Variants in HRK observed in about 807,000 individuals in gnomAD.
HRK encodes activator of apoptosis harakiri.
Under a neutral mutation model 5.9 loss-of-function variants are expected in HRK, and 6 were observed. That is an observed-to-expected ratio of 1.02 (90% CI 0.56 to 2.01). HRK has a LOEUF of 2.01. Ranked by LOEUF, HRK falls within the 30% of genes most tolerant of loss-of-function variation. The pLI, the probability that HRK is intolerant of heterozygous loss-of-function variation, is 0.00. For missense variants in HRK, 133 were observed against 128.3 expected, an observed-to-expected ratio of 1.04 and a Z score of -0.18; for synonymous variants, 85 against 65.1, an observed-to-expected ratio of 1.31 and a Z score of -1.47.
Position 116,858,574 on chromosome 12 carries a change from TCACACACACACACACACACACACACACA to T in HRK, c.*2921_*2948del, listed in dbSNP as rs55713149. 2.5e-5 allele frequency: 3 copies of T among 121,150 alleles called. No individual in the cohort carries two copies. The highest frequency in any genetic ancestry group is 8.9e-5 in the Admixed American group (1 of 11,294). 7.5% of individuals were successfully genotyped at this position (121,150 alleles called of 1,614,324 possible). On this transcript the variant is annotated 3_prime_UTR_variant, in exon 2 of 2. Coordinates refer to ENST00000257572, the MANE Select transcript of HRK (RefSeq NM_003806.4). ...CAGAGGCCTCCCTCTGCTTGTACGG[TCACACACACACACACACACACACACACA>T]CACACACACACACACACACACTGCT...
chr12:116,869,849 A>G lies in HRK; in HGVS notation c.*57-8383T>C, dbSNP rs144198889. Among the ~76,000 whole-genome samples the G allele has an allele frequency of 1.3e-3, 191 of 152,256 alleles. 2 individuals carry two copies. The highest frequency in any genetic ancestry group is 2.3e-3 in the Non-Finnish European group (154 of 68,016). Reference sequence around the variant, plus strand: ...AGCACTCTGGGAGGCCAAGGCAGGCATATCTGGATCACTTGAGGTCAGGAG... The same window carrying G: ...AGCACTCTGGGAGGCCAAGGCAGGCGTATCTGGATCACTTGAGGTCAGGAG... On this transcript the variant is annotated intron_variant, in intron 1 of 1. Transcript: ENST00000257572.
chr12:116,878,761 C>T lies in HRK; in HGVS notation c.*56+2215G>A, dbSNP rs2137255553. On this transcript the variant is annotated intron_variant, in intron 1 of 1. Transcript: ENST00000257572. The surrounding 1 kb of genome is among the most constrained non-coding windows in gnomAD (Gnocchi z 4.4). ...GGCTGCAGGGGACGCCCGGGCGGGA[C>T]AAGGCAGGTAGGAGAAGAACCCAGA... 6.6e-6 allele frequency among the ~76,000 whole-genome samples: 1 copy of T among 152,222 alleles called. No individual in the cohort carries two copies. Among genetic ancestry groups the T allele is most frequent in the East Asian group, 1.9e-4 (1 of 5,172 alleles).
At chr12:116,875,168 A>G (rs1236640669) in intron 1 of HRK, among the ~76,000 whole-genome samples, 2 of 152,238 alleles carry the variant, frequency 1.3e-5, no homozygotes, top group African/African-American at 4.8e-5. Flanking sequence ...TAAAGCCTAC[A>G]GTGTGTGGGT....
intron 1 of HRK, among the ~76,000 whole-genome samples, chr12:116,869,114 C>T (rs1211067362): frequency 6.6e-6 from 1 of 152,104 alleles, no homozygotes; most frequent in Non-Finnish European, 1.5e-5. Context: ...GCTGGGACTA[C>T]AGGTGTGTGC....
rs1001655659 is a variant in HRK, at chr12:116,859,454, A to G, written c.*2069T>C. On this transcript the variant is annotated 3_prime_UTR_variant, in exon 2 of 2. Coordinates refer to ENST00000257572, the MANE Select transcript of HRK (RefSeq NM_003806.4). ...TGTGGCTAAGAAAGTGATTAAATAG[A>G]AGCAGTGACTGTATTTCATATTATT... 5 of 152,118 alleles carry G rather than the reference A, an allele frequency of 3.3e-5. No homozygotes were observed. The highest frequency in any genetic ancestry group is 1.9e-4 in the East Asian group (1 of 5,192). The allele number at this position is 152,118 out of a possible 1,614,324, so 9.4% of individuals were successfully genotyped here. A position where few individuals can be genotyped will look rare whatever the true frequency, so the allele number is the denominator to read the frequency against.
intron 1 of HRK, among the ~76,000 whole-genome samples, chr12:116,875,943 G>T (rs1444914918): frequency 6.6e-6 from 1 of 152,178 alleles, no homozygotes; most frequent in Admixed American, 6.6e-5. Context: ...CTGTGGGTTA[G>T]CTTTCTATTC....
rs1879037182 is a variant in HRK at position 116,878,979 on chromosome 12, T to G, written c.*56+1997A>C. 1 of 151,962 alleles carries G rather than the reference T, an allele frequency of 6.6e-6. No homozygotes were observed. Among genetic ancestry groups the G allele is most frequent in the Admixed American group, 6.6e-5 (1 of 15,240 alleles). 9.4% of individuals were successfully genotyped at this position (151,962 alleles called of 1,614,324 possible). On this transcript the variant is annotated intron_variant, in intron 1 of 1. Transcript: ENST00000257572. This position sits in a 1 kb window ranked among gnomAD's most constrained non-coding sequence, Gnocchi z 4.4. ...GCGCAGGCCCCAGTTACCCAACTCC[T>G]CCCCTGCGCTCCGGCGCAGAGCGGC...
rs770658093 is a variant in HRK, at chr12:116,881,008, G to A, written c.*24C>T. Reference sequence around the variant, plus strand: ...TCGCTCCGGCTGGGTCTCGGCTCCGGCCCCACCAAGAAGCCCCGCGTTCCT... The same window carrying A: ...TCGCTCCGGCTGGGTCTCGGCTCCGACCCCACCAAGAAGCCCCGCGTTCCT... On this transcript the variant is annotated 3_prime_UTR_variant, in exon 1 of 2. Transcript: ENST00000257572. The A allele has an allele frequency of 1.1e-5, 14 of 1,314,630 alleles. No individual in the cohort carries two copies. The highest frequency in any genetic ancestry group is 8.5e-5 in the South Asian group (4 of 47,124). The allele number at this position is 1,314,630 out of a possible 1,614,324, so 81.4% of individuals were successfully genotyped here.
At position 116,881,219 on chromosome 12, in the gene HRK, G is replaced by A; in HGVS notation, c.89C>T (p.Ala30Val). ...CTTGAGCCGGGCGGCGGTGAGCTGC[G>A]CGGCGGACGAGCGCAGCCCCAGGCG... Reference protein sequence around the residue: ...AGRLGLRSSAAQLTAARLKAL... With the variant: ...AGRLGLRSSAVQLTAARLKAL... Residue 30 changes from alanine to valine, a missense_variant, in exon 1 of 2, where the codon GCG becomes GTG. Physicochemically the swap from Ala to Val is moderately conservative, Grantham distance 64 (BLOSUM62 0). Coordinates refer to ENST00000257572, the MANE Select transcript of HRK (RefSeq NM_003806.4). 8.9e-7 allele frequency: 1 copy of A among 1,119,170 alleles called. No individual in the cohort carries two copies. The highest frequency in any genetic ancestry group is 1.1e-6 in the Non-Finnish European group (1 of 917,468). 69.3% of individuals were successfully genotyped at this position (1,119,170 alleles called of 1,614,324 possible). A position where few individuals can be genotyped will look rare whatever the true frequency, so the allele number is the denominator to read the frequency against.
intron 1 of HRK, among the ~76,000 whole-genome samples, chr12:116,876,975 C>T (rs973162400): frequency 6.6e-6 from 1 of 152,224 alleles, no homozygotes; most frequent in Non-Finnish European, 1.5e-5. Flanking sequence ...TCTGCCTCGG[C>T]TTCCCCTTTG....
chr12:116,876,139 C>T (rs2137253581), intron 1 of HRK, among the ~76,000 whole-genome samples: 1 of 152,256 alleles, frequency 6.6e-6, no homozygotes, highest in East Asian at 1.9e-4. Flanking sequence ...TCTTTTCCAT[C>T]CACAGCTCAG....
rs1204677689 is a variant in HRK at position 116,860,314 on chromosome 12, C to A, written c.*1209G>T. 6.6e-6 allele frequency: 1 copy of A among 152,122 alleles called. No individual in the cohort carries two copies. Among genetic ancestry groups the A allele is most frequent in the African/African-American group, 2.4e-5 (1 of 41,414 alleles). 9.4% of individuals were successfully genotyped at this position (152,122 alleles called of 1,614,324 possible). A position where few individuals can be genotyped will look rare whatever the true frequency, so the allele number is the denominator to read the frequency against. Reference sequence around the variant, plus strand: ...AAACTTCTGAAAATAGTAGCTTATCCTTGGGGGGAAAAAAATCAGACCTCT... The same window carrying A: ...AAACTTCTGAAAATAGTAGCTTATCATTGGGGGGAAAAAAATCAGACCTCT... On this transcript the variant is annotated 3_prime_UTR_variant, in exon 2 of 2. Coordinates refer to ENST00000257572, the MANE Select transcript of HRK (RefSeq NM_003806.4).
chr12:116,880,834 A>ATGCT, intron 1 of HRK, 142 bp downstream of exon 1: 1 of 337,382 alleles, frequency 3.0e-6, no homozygotes, highest in Non-Finnish European at 5.3e-6. Flanking sequence ...AGAGGTGGAG[A>ATGCT]TGCTTGCAAG....
At chr12:116,872,488 AC>A (rs1268354306) in intron 1 of HRK, among the ~76,000 whole-genome samples, 1 of 152,120 alleles carries the variant, frequency 6.6e-6, no homozygotes, top group Non-Finnish European at 1.5e-5. Context: ...GTCTTAAAGT[AC>A]CTATCCAGCC....
At chr12:116,870,658 A>G (rs1878712769) in intron 1 of HRK, among the ~76,000 whole-genome samples, 1 of 152,240 alleles carries the variant, frequency 6.6e-6, no homozygotes, top group Middle Eastern at 3.4e-3. Flanking sequence ...AAAAAAAAGT[A>G]AAAAATTAGT....
chr12:116,880,939 C>T, intron 1 of HRK, 37 bp downstream of exon 1: 1 of 1,015,214 alleles, frequency 9.9e-7, no homozygotes, highest in Non-Finnish European at 1.3e-6. Context: ...CAGTGCCCAG[C>T]TGCCGCGCCC....
intron 1 of HRK, among the ~76,000 whole-genome samples, chr12:116,873,292 G>A (rs1018450931): frequency 3.4e-5 from 5 of 148,074 alleles, no homozygotes; most frequent in South Asian, 2.2e-4. Context: ...ATGCCACCAC[G>A]CCTGACTACA....
At position 116,857,206 on chromosome 12, in the gene HRK, C is replaced by T. The variant is rs969084548; in HGVS notation, c.*4317G>A. 3 of 152,254 alleles carry T rather than the reference C, an allele frequency of 2.0e-5. No individual in the cohort carries two copies. The highest frequency in any genetic ancestry group is 7.2e-5 in the African/African-American group (3 of 41,472). 9.4% of individuals were successfully genotyped at this position (152,254 alleles called of 1,614,324 possible). A position where few individuals can be genotyped will look rare whatever the true frequency, so the allele number is the denominator to read the frequency against. On this transcript the variant is annotated 3_prime_UTR_variant, in exon 2 of 2. Coordinates refer to ENST00000257572, the MANE Select transcript of HRK (RefSeq NM_003806.4). ...CTTCCGAGCAGGACTGCCCCTCCACCATCCACAAGTCAAGTCTCTTCTGAG... is the reference window on the plus strand; with the variant it reads ...CTTCCGAGCAGGACTGCCCCTCCACTATCCACAAGTCAAGTCTCTTCTGAG...
At chr12:116,880,350 G>A (rs983498674) in intron 1 of HRK, among the ~76,000 whole-genome samples, 1 of 152,222 alleles carries the variant, frequency 6.6e-6, no homozygotes, top group Non-Finnish European at 1.5e-5. Flanking sequence ...GAGAAGGAGC[G>A]AAGTTGGCAG....
Sources: allele counts gnomAD v4.1 joint callset (sites outside exome capture counted in the v4.1 genomes callset), GRCh38; gene constraint gnomAD v4.1.1; non-coding constraint Gnocchi (gnomAD v3.1); transcripts MANE v1.5; gene names NCBI Gene and HGNC (gene_info 2026-07-23, HGNC 2026-07-21).